Variants in ATXN7 observed in about 807,000 individuals in gnomAD.
ATXN7 encodes the protein ataxin-7.
Under a neutral mutation model 70.5 loss-of-function variants are expected in ATXN7, and 12 were observed. That is an observed-to-expected ratio of 0.17 (90% CI 0.11 to 0.28). The LOEUF is 0.28. Among genes scored for constraint, ATXN7 ranks in the 10% least tolerant of loss-of-function variants. ATXN7 has a pLI of 1.00. For synonymous variants in ATXN7, 498 were observed against 448.7 expected (o/e 1.11, Z -1.39); for missense variants, 1,256 against 1,131.7 (o/e 1.11, Z -1.58).
At position 63,992,348 on chromosome 3, in the gene ATXN7, T is replaced by A. The variant is rs375517039; in HGVS notation, c.1682+1489T>A. ...TTTATGAAGGAACATTGTCCCTGGC[T>A]AGACACAGAATCAGGGGACTGGGTT... On this transcript the variant is annotated intron_variant, in intron 11 of 12. Transcript: ENST00000674280. 7.2e-5 allele frequency among the ~76,000 whole-genome samples: 11 copies of A among 152,320 alleles called. 1 individual carries two copies. The East Asian group carries it at 2.1e-3, about 29-fold the overall frequency.
intron 4 of ATXN7, among the ~76,000 whole-genome samples, chr3:63,935,778 G>C (rs2074651737): frequency 6.6e-6 from 1 of 151,530 alleles, no homozygotes; most frequent in African/African-American, 2.4e-5. Flanking sequence ...AATAGTCACT[G>C]TTTTGCCCTT....
At chr3:63,993,184 T>G (rs1443554860) in intron 11 of ATXN7, among the ~76,000 whole-genome samples, 3 of 152,166 alleles carry the variant, frequency 2.0e-5, no homozygotes, top group Non-Finnish European at 4.4e-5. Context: ...CTATGATTTC[T>G]GTGAACTACT....
chr3:63,930,826 G>A (rs1224579403), intron 4 of ATXN7, among the ~76,000 whole-genome samples: 1 of 151,820 alleles, frequency 6.6e-6, no homozygotes, highest in Admixed American at 6.6e-5. Flanking sequence ...CACCGCACCC[G>A]GCAAGTTTAC....
chr3:63,863,753 G>A (rs1702305048), upstream of ATXN7: 2 of 1,250,580 alleles, frequency 1.6e-6, no homozygotes, highest in Non-Finnish European at 2.0e-6. Flanking sequence ...GGCGCGTGTG[G>A]CGGCGAGCGG....
At chr3:63,892,467 TCAC>T (rs1703302195) in intron 1 of ATXN7, among the ~76,000 whole-genome samples, 5 of 131,702 alleles carry the variant, frequency 3.8e-5, no homozygotes, top group Admixed American at 3.8e-4. Context: ...TATCGCTCCT[TCAC>T]ACACACACAC....
chr3:63,903,507 C>A (rs1424532322), intron 2 of ATXN7, among the ~76,000 whole-genome samples: 2 of 151,496 alleles, frequency 1.3e-5, no homozygotes, highest in Non-Finnish European at 1.5e-5. Context: ...ACATTATATG[C>A]TATTTTATTT....
In ATXN7 at chr3:63,995,809, C is replaced by T. The variant is rs1053340; in HGVS notation, c.1987C>T (p.Pro663Ser). The T allele has an allele frequency of 6.2e-7, 1 of 1,614,230 alleles. No homozygotes were observed. Among genetic ancestry groups the T allele is most frequent in the Non-Finnish European group, 8.5e-7 (1 of 1,180,046 alleles). Residue 663 changes from proline (P) to serine (S), a missense_variant, in exon 12 of 13, where the codon CCT becomes TCT. Coordinates refer to ENST00000674280, the MANE Select transcript of ATXN7 (RefSeq NM_001377405.1). ...CACGCCCTCTGGCCTTTCCTCGGTTCCTTCCTCCCCCATGTCCAGGAAACC... is the reference window on the plus strand; with the variant it reads ...CACGCCCTCTGGCCTTTCCTCGGTTTCTTCCTCCCCCATGTCCAGGAAACC... ...PSTPSGLSSV[P>S]SSPMSRKPQK... is the part of the protein sequence containing the mutation.
chr3:63,918,515 A>C (rs1704377173), intron 4 of ATXN7, among the ~76,000 whole-genome samples: 1 of 152,234 alleles, frequency 6.6e-6, no homozygotes, highest in African/African-American at 2.4e-5. Flanking sequence ...CAGTTTCAGC[A>C]AATAATGAGT....
At chr3:63,939,491 T>G (rs2074719509) in intron 4 of ATXN7, among the ~76,000 whole-genome samples, 1 of 152,146 alleles carries the variant, frequency 6.6e-6, no homozygotes, top group Admixed American at 6.5e-5. Flanking sequence ...ATATTATCCT[T>G]CATTAAAATG....
chr3:63,865,268 T>G (rs967854733), intron 1 of ATXN7: 1 of 152,232 alleles, frequency 6.6e-6, no homozygotes, highest in African/African-American at 2.4e-5. Flanking sequence ...ACCAGTGACT[T>G]CAATAATACC....
intron 1 of ATXN7, among the ~76,000 whole-genome samples, chr3:63,885,942 G>A (rs1703073222): frequency 6.6e-6 from 1 of 152,132 alleles, no homozygotes; most frequent in African/African-American, 2.4e-5. Context: ...GCTTCAACCT[G>A]GGAGGTGAAG....
chr3:63,998,384 A>G, intron 12 of ATXN7: 1 of 985,026 alleles, frequency 1.0e-6, no homozygotes. Context: ...ACACACACGT[A>G]TACACACACA....
intron 1 of ATXN7, among the ~76,000 whole-genome samples, chr3:63,875,061 G>A (rs1009820269): frequency 6.6e-6 from 1 of 152,088 alleles, no homozygotes; most frequent in African/African-American, 2.4e-5. Flanking sequence ...TAATCACCCT[G>A]CAGAAGGTCC....
chr3:63,876,785 A>G lies in ATXN7; in HGVS notation c.-111+12627A>G, dbSNP rs116010721. On this transcript the variant is annotated intron_variant, in intron 1 of 12. Coordinates refer to ENST00000674280, the MANE Select transcript of ATXN7 (RefSeq NM_001377405.1). ...AGTATTAATCAGCTGTAGACTGGAA[A>G]GTTTTTATTTGCTAGCATTTGTAGT... 6.3e-3 allele frequency among the ~76,000 whole-genome samples: 960 copies of G among 152,296 alleles called. 9 individuals are homozygous for G. The highest frequency in any genetic ancestry group is 0.021 in the African/African-American group (886 of 41,562).
chr3:63,968,957 T>C (rs2075269826), intron 5 of ATXN7, among the ~76,000 whole-genome samples: 1 of 152,184 alleles, frequency 6.6e-6, no homozygotes, highest in Non-Finnish European at 1.5e-5. Context: ...TTTAATCAAA[T>C]TGCTGTTGAT....
At chr3:63,913,451 C>T (rs1704140971) in intron 4 of ATXN7, among the ~76,000 whole-genome samples, 1 of 152,116 alleles carries the variant, frequency 6.6e-6, no homozygotes, top group African/African-American at 2.4e-5. Flanking sequence ...GCAGGAGCAG[C>T]ATTATTGGTG....
rs761776385 is a variant in ATXN7 at position 64,001,810 on chromosome 3, T to C, written c.*2343T>C. ...TTATTTTCTCCTAAACTACTTTTTA[T>C]GGTGATGAATAATTAAGACCATTTA... On this transcript the variant is annotated 3_prime_UTR_variant, in exon 13 of 13. Transcript: ENST00000674280. The C allele has an allele frequency of 2.6e-5, 4 of 152,232 alleles. No individual in the cohort carries two copies. The highest frequency in any genetic ancestry group is 5.9e-5 in the Non-Finnish European group (4 of 68,034). 9.4% of individuals were successfully genotyped at this position (152,232 alleles called of 1,614,324 possible). A position where few individuals can be genotyped will look rare whatever the true frequency, so the allele number is the denominator to read the frequency against.
chr3:63,950,062 T>C (rs1231803020), intron 4 of ATXN7, among the ~76,000 whole-genome samples: 3 of 152,164 alleles, frequency 2.0e-5, no homozygotes, highest in Admixed American at 1.3e-4. Flanking sequence ...TCTTAAGTTA[T>C]TGAGGAAATA....
chr3:63,993,001 T>C (rs1159862780), intron 11 of ATXN7, among the ~76,000 whole-genome samples: 1 of 152,170 alleles, frequency 6.6e-6, no homozygotes, highest in Non-Finnish European at 1.5e-5. Context: ...CCCTACCGGC[T>C]CAGCCCAAAA....
Sources: allele counts gnomAD v4.1 joint callset (sites outside exome capture counted in the v4.1 genomes callset), GRCh38; gene constraint gnomAD v4.1.1; transcripts MANE v1.5; gene names NCBI Gene and HGNC (gene_info 2026-07-23, HGNC 2026-07-21).